Variants in KCND2 observed in about 807,000 individuals in gnomAD.
The protein encoded by KCND2 is A-type voltage-gated potassium channel KCND2.
In KCND2, 16 loss-of-function variants were observed where a neutral mutation model predicts 54.4. The observed-to-expected ratio is 0.29, with a 90% CI of 0.20 to 0.45. The LOEUF (loss-of-function observed/expected upper bound fraction) is 0.45, where lower values mean the gene tolerates loss of function less well. Among genes scored for constraint, KCND2 ranks in the 20% least tolerant of loss-of-function variants. The probability of loss-of-function intolerance (pLI) is 1.00; values close to 1 mark genes in which losing one functional copy is unlikely to be tolerated. For missense variants in KCND2, 486 were observed against 824.2 expected, an observed-to-expected ratio of 0.59 and a Z score of 5.02; for synonymous variants, 317 against 310.7, an observed-to-expected ratio of 1.02 and a Z score of -0.21.
chr7:120,455,956 C>A (rs916802019), intron 1 of KCND2, among the ~76,000 whole-genome samples: 1 of 152,088 alleles, frequency 6.6e-6, no homozygotes, highest in Non-Finnish European at 1.5e-5. Flanking sequence ...TACCCTTAAA[C>A]CTAAGCAAAA....
chr7:120,464,021 T>G (rs1802328930), intron 1 of KCND2: 3 of 969,762 alleles, frequency 3.1e-6, no homozygotes, highest in Non-Finnish European at 3.7e-6. Flanking sequence ...AGTTTTGTTT[T>G]TTTTTTTTTT....
At chr7:120,632,862 A>G (rs974111258) in intron 1 of KCND2, among the ~76,000 whole-genome samples, 2 of 152,218 alleles carry the variant, frequency 1.3e-5, no homozygotes, top group African/African-American at 4.8e-5. Flanking sequence ...AGACAAGCCA[A>G]CATCTACCTC....
intron 1 of KCND2, among the ~76,000 whole-genome samples, chr7:120,564,113 A>G (rs1391586512): frequency 1.3e-5 from 2 of 152,172 alleles, no homozygotes; most frequent in East Asian, 3.8e-4. Context: ...CTTTGTTTAC[A>G]CATCTGTAAA....
intron 1 of KCND2, among the ~76,000 whole-genome samples, chr7:120,290,644 T>G (rs567307914): frequency 6.6e-6 from 1 of 152,124 alleles, no homozygotes; most frequent in Non-Finnish European, 1.5e-5. Context: ...TTTCCAAATC[T>G]AATGGAACCC....
intron 1 of KCND2, among the ~76,000 whole-genome samples, chr7:120,728,991 G>C (rs1198594410): frequency 1.3e-5 from 2 of 152,238 alleles, no homozygotes; most frequent in Non-Finnish European, 2.9e-5. Context: ...TTTCACCACG[G>C]TGTCACTTCT....
intron 1 of KCND2, among the ~76,000 whole-genome samples, chr7:120,727,695 T>C (rs1792751783): frequency 6.6e-6 from 1 of 152,174 alleles, no homozygotes; most frequent in Non-Finnish European, 1.5e-5. Flanking sequence ...GTTGTACCTT[T>C]TTAACCGATA....
intron 1 of KCND2, among the ~76,000 whole-genome samples, chr7:120,700,521 A>G (rs994933065): frequency 2.6e-5 from 4 of 152,224 alleles, no homozygotes; most frequent in Admixed American, 1.3e-4. Flanking sequence ...TTTGAAGCCA[A>G]TAGCCCATTT....
chr7:120,419,441 T>A (rs2116129479), intron 1 of KCND2, among the ~76,000 whole-genome samples: 1 of 152,354 alleles, frequency 6.6e-6, no homozygotes, highest in South Asian at 2.1e-4. Context: ...CAATCTCATT[T>A]GTACTGGCAA....
chr7:120,334,797 T>C (rs971198908), intron 1 of KCND2, among the ~76,000 whole-genome samples: 1 of 152,166 alleles, frequency 6.6e-6, no homozygotes, highest in Non-Finnish European at 1.5e-5. Context: ...TGGTAAAATA[T>C]AATGAGTCTT....
chr7:120,569,506 G>T (rs1792337279), intron 1 of KCND2, among the ~76,000 whole-genome samples: 1 of 152,044 alleles, frequency 6.6e-6, no homozygotes, highest in African/African-American at 2.4e-5. Flanking sequence ...CTATTTACAA[G>T]CCTGCCTGTG....
intron 1 of KCND2, among the ~76,000 whole-genome samples, chr7:120,513,727 A>G (rs1803155233): frequency 6.6e-6 from 1 of 151,816 alleles, no homozygotes; most frequent in Non-Finnish European, 1.5e-5. Flanking sequence ...CTAATTGTCA[A>G]ATTTTTGTTT....
At chr7:120,726,349 A>G (rs1452116520) in intron 1 of KCND2, among the ~76,000 whole-genome samples, 3 of 152,170 alleles carry the variant, frequency 2.0e-5, no homozygotes, top group Non-Finnish European at 4.4e-5. Flanking sequence ...GTCATTTGCT[A>G]TTTGCAAACA....
chr7:120,559,905 A>T (rs1792212803), intron 1 of KCND2, among the ~76,000 whole-genome samples: 1 of 152,196 alleles, frequency 6.6e-6, no homozygotes, highest in African/African-American at 2.4e-5. Flanking sequence ...CTAAGGACAT[A>T]TTGTGAGAAA....
intron 1 of KCND2, among the ~76,000 whole-genome samples, chr7:120,381,094 T>A (rs1489027354): frequency 6.6e-6 from 1 of 151,810 alleles, no homozygotes; most frequent in African/African-American, 2.4e-5. Context: ...CTCGCCAATA[T>A]AGTAAAACCC....
rs374567695 is a variant in KCND2, at chr7:120,407,038, A to G, written c.1115+131291A>G. On this transcript the variant is annotated intron_variant, in intron 1 of 5. Transcript: ENST00000331113. The stretch of plus-strand genomic sequence containing the variant: ...GCGTGAGTGAGATTTTGAAGTTCAA[A>G]TATATTTGGGAAATTCTCAATGAAA... 2.6e-5 allele frequency among the ~76,000 whole-genome samples: 4 copies of G among 151,828 alleles called. No homozygotes were observed. In the East Asian group the frequency reaches 5.8e-4, roughly 22 times the overall value.
chr7:120,719,934 A>G (rs1159784991), intron 1 of KCND2, among the ~76,000 whole-genome samples: 1 of 152,168 alleles, frequency 6.6e-6, no homozygotes, highest in Non-Finnish European at 1.5e-5. Context: ...TGGAAGCCCC[A>G]GGGACCAGCT....
chr7:120,388,969 A>G (rs1009867823), intron 1 of KCND2, among the ~76,000 whole-genome samples: 6 of 151,476 alleles, frequency 4.0e-5, no homozygotes, highest in Middle Eastern at 3.2e-3. Flanking sequence ...ATTTGCATGT[A>G]TAAATATTTT....
At chr7:120,367,380 G>T (rs758783065) in intron 1 of KCND2, among the ~76,000 whole-genome samples, 6 of 152,016 alleles carry the variant, frequency 3.9e-5, no homozygotes, top group Non-Finnish European at 8.8e-5. Flanking sequence ...AAGACAAAAA[G>T]GGTCTGACTA....
At chr7:120,366,775 A>G (rs886970925) in intron 1 of KCND2, among the ~76,000 whole-genome samples, 1 of 152,130 alleles carries the variant, frequency 6.6e-6, no homozygotes. Flanking sequence ...TGTTAAAAGA[A>G]CAGATTGGAC....
Sources: allele counts gnomAD v4.1 joint callset (sites outside exome capture counted in the v4.1 genomes callset), GRCh38; gene constraint gnomAD v4.1.1; transcripts MANE v1.5; gene names NCBI Gene and HGNC (gene_info 2026-07-23, HGNC 2026-07-21).